Variants in EYS observed in about 807,000 individuals in gnomAD.
EYS encodes EGF-like photoreceptor maintenance factor.
In EYS, 250 loss-of-function variants were observed where a neutral mutation model predicts 282.1. That is an observed-to-expected ratio of 0.89 (90% CI 0.80 to 0.98). The LOEUF is 0.98. EYS is among the 50% of genes least tolerant of loss of function. The pLI, the probability that EYS is intolerant of heterozygous loss-of-function variation, is 0.00. For synonymous variants in EYS, 1,355 were observed against 1,282.9 expected (o/e 1.06, Z -1.20); for missense variants, 4,016 against 3,709.0 (o/e 1.08, Z -2.15).
chr6:65,546,334 T>A (rs201810999), intron 2 of EYS, among the ~76,000 whole-genome samples: 1 of 145,250 alleles, frequency 6.9e-6, no homozygotes, highest in Non-Finnish European at 1.5e-5. Context: ...TTTTTTTTTT[T>A]AATTCTAGGT....
intron 1 of EYS, among the ~76,000 whole-genome samples, chr6:65,673,038 G>A (rs1047739110): frequency 1.8e-4 from 28 of 152,076 alleles, no homozygotes; most frequent in African/African-American, 6.8e-4. Context: ...AGTTAAGGCA[G>A]GAACCAGCCA....
At chr6:65,658,914 C>CT (rs75563797) in intron 1 of EYS, among the ~76,000 whole-genome samples, 20,046 of 150,742 alleles carry the variant, frequency 0.13, 1,506 homozygotes, top group South Asian at 0.29. Flanking sequence ...ATCTTTAAAC[C>CT]TTTTTTTTCT....
chr6:64,837,702 T>C (rs1330846759), intron 19 of EYS, among the ~76,000 whole-genome samples: 1 of 147,706 alleles, frequency 6.8e-6, no homozygotes, highest in Non-Finnish European at 1.5e-5. Flanking sequence ...TATATATGTA[T>C]ATCCTAAAGA....
intron 31 of EYS, among the ~76,000 whole-genome samples, chr6:64,191,942 C>G (rs879576835): frequency 2.7e-5 from 4 of 147,846 alleles, no homozygotes; most frequent in Non-Finnish European, 6.0e-5. Context: ...TACAGTCCCA[C>G]CAACAGTGTA....
intron 31 of EYS, among the ~76,000 whole-genome samples, chr6:64,125,145 A>ACT (rs1384733274): frequency 6.8e-6 from 1 of 146,702 alleles, no homozygotes; most frequent in Admixed American, 6.7e-5. Flanking sequence ...ACACACACAC[A>ACT]CACTCTCTGT....
At chr6:64,911,133 T>C (rs1222599828) in intron 16 of EYS, among the ~76,000 whole-genome samples, 1 of 152,130 alleles carries the variant, frequency 6.6e-6, no homozygotes, top group Non-Finnish European at 1.5e-5. Context: ...TGATATTGAA[T>C]AATTTTCAAC....
intron 2 of EYS, among the ~76,000 whole-genome samples, chr6:65,505,919 T>A (rs1188297996): frequency 6.6e-6 from 1 of 152,150 alleles, no homozygotes; most frequent in African/African-American, 2.4e-5. Context: ...TGCTGACTGG[T>A]CAAGCATATC....
chr6:63,970,009 A>T (rs1274094080), intron 35 of EYS, among the ~76,000 whole-genome samples: 1 of 152,062 alleles, frequency 6.6e-6, no homozygotes, highest in Non-Finnish European at 1.5e-5. Context: ...GACTCTCCCT[A>T]TCTCCACACC....
intron 26 of EYS, among the ~76,000 whole-genome samples, chr6:64,484,788 C>A (rs528744001): frequency 6.6e-6 from 1 of 151,320 alleles, no homozygotes; most frequent in Non-Finnish European, 1.5e-5. Flanking sequence ...GGATTAAGGG[C>A]CATAAAACTC....
intron 33 of EYS, among the ~76,000 whole-genome samples, chr6:64,041,194 A>G (rs1382115343): frequency 1.3e-5 from 2 of 151,350 alleles, no homozygotes; most frequent in Non-Finnish European, 2.9e-5. Flanking sequence ...GATCATATGG[A>G]CCCCCACAGT....
intron 41 of EYS, among the ~76,000 whole-genome samples, chr6:63,727,753 T>TATATATATATATATATA (rs1554164611): frequency 3.8e-5 from 4 of 104,528 alleles, no homozygotes; most frequent in East Asian, 2.5e-4. Flanking sequence ...TATATATATG[T>TATATATATATATATATA]TAGCTGGGCA....
At chr6:64,574,195 A>G (rs538091231) in intron 26 of EYS, among the ~76,000 whole-genome samples, 5 of 152,224 alleles carry the variant, frequency 3.3e-5, no homozygotes, top group African/African-American at 1.2e-4. Context: ...CAAACACCAC[A>G]TGTTCTCACT....
intron 35 of EYS, among the ~76,000 whole-genome samples, chr6:63,939,475 T>C (rs1765169745): frequency 6.6e-6 from 1 of 152,210 alleles, no homozygotes; most frequent in Admixed American, 6.5e-5. Flanking sequence ...TTGCTTTCTT[T>C]CTGGGTTTAG....
chr6:64,179,641 G>A (rs1243314868), intron 31 of EYS, among the ~76,000 whole-genome samples: 1 of 152,004 alleles, frequency 6.6e-6, no homozygotes, highest in Non-Finnish European at 1.5e-5. Context: ...AATATCCTTG[G>A]TGCCAAGTGA....
chr6:64,738,471 T>C (rs997585017), intron 22 of EYS, among the ~76,000 whole-genome samples: 1 of 152,120 alleles, frequency 6.6e-6, no homozygotes, highest in African/African-American at 2.4e-5. Flanking sequence ...CAAATAAACC[T>C]CTTTTCTTTA....
intron 35 of EYS, among the ~76,000 whole-genome samples, chr6:63,934,712 A>C (rs895557638): frequency 1.8e-4 from 26 of 142,658 alleles, no homozygotes; most frequent in African/African-American, 6.7e-4. Flanking sequence ...GAACACATGG[A>C]CACAGGAAGG....
At chr6:64,653,327 C>A (rs1768629878) in intron 22 of EYS, among the ~76,000 whole-genome samples, 1 of 152,062 alleles carries the variant, frequency 6.6e-6, no homozygotes. Context: ...TTTGTTTAAA[C>A]CACCCAGTTT....
At position 64,766,650 on chromosome 6, in the gene EYS, ATATATATATAT is replaced by A. The variant is rs1384921604; in HGVS notation, c.3443+46717_3443+46727del. Among the ~76,000 whole-genome samples the A allele has an allele frequency of 4.3e-3, 120 of 27,648 alleles. 15 individuals carry two copies. Among genetic ancestry groups the A allele is most frequent in the East Asian group, 0.038 (31 of 824 alleles). The allele number at this position is 27,648 out of a possible 152,430, so 18.1% of individuals were successfully genotyped here. On this transcript the variant is annotated intron_variant, in intron 22 of 42. Coordinates refer to ENST00000503581, the MANE Select transcript of EYS (RefSeq NM_001142800.2). ...CCGTCTCAAAAAAAAAAAAAAAAAA[ATATATATATAT>A]ATATATATATATATATATATATAAA... is the stretch of plus-strand genomic sequence containing the variant.
chr6:64,361,659 A>C (rs1772009693), intron 29 of EYS, among the ~76,000 whole-genome samples: 1 of 151,560 alleles, frequency 6.6e-6, no homozygotes, highest in Non-Finnish European at 1.5e-5. Context: ...TGAGGAAAAT[A>C]TGATCACAAA....
Sources: gnomAD v4.1 joint callset for allele counts (sites outside exome capture counted in the v4.1 genomes callset) on GRCh38, gnomAD v4.1.1 for gene constraint, MANE v1.5 for transcripts, NCBI Gene and HGNC (gene_info 2026-07-23, HGNC 2026-07-21) for gene names.